The following RXFP2 variants were observed in gnomAD, a reference collection of about 807,000 sequenced individuals.
RXFP2 encodes relaxin family peptide receptor 2.
A neutral mutation model predicts 88.6 loss-of-function variants in RXFP2; 68 were observed. That is an observed-to-expected ratio of 0.77 (90% CI 0.63 to 0.94). The LOEUF is 0.94. RXFP2 is among the 40% of genes least tolerant of loss of function. RXFP2 has a pLI of 0.00. For synonymous variants in RXFP2, 329 were observed against 306.8 expected (o/e 1.07, Z -0.76); for missense variants, 791 against 893.9 (o/e 0.88, Z 1.47).
At chr13:31,793,812 C>G (rs558295929) in intron 16 of RXFP2, among the ~76,000 whole-genome samples, 1 of 152,260 alleles carries the variant, frequency 6.6e-6, no homozygotes, top group East Asian at 1.9e-4. Context: ...ATCCAAGGAG[C>G]CAACAAGCTC....
rs1437581796 is a variant in RXFP2, at chr13:31,794,888, TCA to T, written c.1786+1813_1786+1814del. Among the ~76,000 whole-genome samples the T allele has an allele frequency of 1.5e-4, 22 of 149,494 alleles. No individual in the cohort carries two copies. The South Asian group carries it at 4.5e-3, about 31-fold the overall frequency. ...ATATTCCAGATAGACAAAGAGATCG[TCA>T]CACACACACACAAACACACACTCAC... On this transcript the variant is annotated intron_variant, in intron 16 of 17. Transcript: ENST00000298386.
Position 31,802,586 on chromosome 13 carries a change from GAGGA to G in RXFP2, c.*182_*185del. 1.4e-6 allele frequency: 1 copy of G among 691,480 alleles called. No individual in the cohort carries two copies. The highest frequency in any genetic ancestry group is 2.5e-6 in the Non-Finnish European group (1 of 395,088). The allele number at this position is 691,480 out of a possible 1,614,324, so 42.8% of individuals were successfully genotyped here. A position where few individuals can be genotyped will look rare whatever the true frequency, so the allele number is the denominator to read the frequency against. ...AGCTGTACTATCTACCAACCATGCT[GAGGA>G]CAGCACCAAAGGTTCCTCTCCTCAC... On this transcript the variant is annotated 3_prime_UTR_variant, in exon 18 of 18. Coordinates refer to ENST00000298386, the MANE Select transcript of RXFP2 (RefSeq NM_130806.5).
At chr13:31,796,720 C>G (rs1195162918) in intron 16 of RXFP2, among the ~76,000 whole-genome samples, 1 of 152,200 alleles carries the variant, frequency 6.6e-6, no homozygotes, top group African/African-American at 2.4e-5. Context: ...CCTAACACCA[C>G]TGGGCTTATA....
rs371316685 is a variant in RXFP2, at chr13:31,739,726, G to A, written c.94+20G>A. ...TCAAAGGTAAGGTTGCTACTTTCTC[G>A]TTTTAAATGAGTGCAATTCCCAAAA... On this transcript the variant is annotated intron_variant, in intron 1 of 17. Transcript: ENST00000298386. The A allele has an allele frequency of 1.8e-5, 26 of 1,479,644 alleles. No individual in the cohort carries two copies. The highest frequency in any genetic ancestry group is 6.8e-5 in the South Asian group (6 of 88,332). 91.7% of individuals were successfully genotyped at this position (1,479,644 alleles called of 1,614,324 possible).
In RXFP2 at chr13:31,801,196, T is replaced by C. The variant is rs374291975; in HGVS notation, c.2006-950T>C. ...CAGAGGATGATGAGAGAAAGCATCA[T>C]GGGTCTTACTAGCCACCTCTTCACC... is the stretch of plus-strand genomic sequence containing the variant. On this transcript the variant is annotated intron_variant, in intron 17 of 17. Coordinates refer to ENST00000298386, the MANE Select transcript of RXFP2 (RefSeq NM_130806.5). Among the ~76,000 whole-genome samples the C allele has an allele frequency of 5.9e-5, 9 of 152,288 alleles. No individual in the cohort carries two copies. The East Asian group carries it at 1.2e-3, about 20-fold the overall frequency.
In RXFP2 at chr13:31,800,839, A is replaced by AT. The variant is rs61066558; in HGVS notation, c.2006-1300dup. Among the ~76,000 whole-genome samples the AT allele has an allele frequency of 7.3e-4, 111 of 151,276 alleles. 1 individual carries two copies. The highest frequency in any genetic ancestry group is 2.0e-3 in the African/African-American group (82 of 41,248). ...AATCACTAACTGTTCAGATTGTCTA[A>AT]TTTTTTTAAATTAGGGACAAATAAT... On this transcript the variant is annotated intron_variant, in intron 17 of 17. Coordinates refer to ENST00000298386, the MANE Select transcript of RXFP2 (RefSeq NM_130806.5).
chr13:31,740,714 T>C (rs1871197063), intron 1 of RXFP2, among the ~76,000 whole-genome samples: 1 of 152,054 alleles, frequency 6.6e-6, no homozygotes, highest in Admixed American at 6.6e-5. Context: ...AAAATAATAC[T>C]AAAACTTTAC....
intron 13 of RXFP2, 137 bp from the exon 14 acceptor site, chr13:31,788,985 G>C (rs1050855114): frequency 2.5e-5 from 17 of 685,764 alleles, no homozygotes; most frequent in Non-Finnish European, 4.5e-5. Flanking sequence ...TTCTAAGATA[G>C]TGTACTGTAA....
rs1373294673 is a variant in RXFP2 at position 31,781,729 on chromosome 13, T to G, written c.844T>G (p.Ser282Ala). 6.2e-7 allele frequency: 1 copy of G among 1,610,428 alleles called. No homozygotes were observed. Among genetic ancestry groups the G allele is most frequent in the Non-Finnish European group, 8.5e-7 (1 of 1,176,876 alleles). The change falls in exon 10 of 18, where the codon TCG (serine) becomes GCG (alanine). Residue 282 changes from serine to alanine, a missense_variant. Coordinates refer to ENST00000298386, the MANE Select transcript of RXFP2 (RefSeq NM_130806.5). ...AAATTCTACGTTTCTGTCGTGCGAT[T>G]CGCTCACAGTGCTGTAAGTATACAA... Reference protein sequence around the residue: ...LTNSTFLSCDSLTVLFLPRNQ... With the variant: ...LTNSTFLSCDALTVLFLPRNQ...
At chr13:31,740,056 T>G (rs1333735592) in intron 1 of RXFP2, among the ~76,000 whole-genome samples, 1 of 152,148 alleles carries the variant, frequency 6.6e-6, no homozygotes, top group East Asian at 1.9e-4. Context: ...TTTGTGGAAT[T>G]TCAACCTGTT....
intron 16 of RXFP2, among the ~76,000 whole-genome samples, chr13:31,795,906 A>G (rs1874011791): frequency 1.3e-5 from 2 of 152,132 alleles, no homozygotes; most frequent in Admixed American, 1.3e-4. Context: ...AATAATTCAC[A>G]TAGTTGAATT....
intron 10 of RXFP2, 117 bp downstream of exon 10, chr13:31,781,859 C>G: frequency 2.6e-6 from 2 of 755,340 alleles, no homozygotes; most frequent in East Asian, 5.3e-5. Context: ...TGGTCTGACA[C>G]TGCAGTGCTA....
intron 17 of RXFP2, among the ~76,000 whole-genome samples, chr13:31,797,878 G>A (rs939020060): frequency 6.6e-6 from 1 of 152,126 alleles, no homozygotes; most frequent in Non-Finnish European, 1.5e-5. Context: ...TGCGGAGCAC[G>A]AGATATTTCC....
chr13:31,764,189 C>T (rs1191062691), intron 3 of RXFP2, among the ~76,000 whole-genome samples: 1 of 151,946 alleles, frequency 6.6e-6, no homozygotes, highest in Non-Finnish European at 1.5e-5. Flanking sequence ...AATACTTGCT[C>T]TTTCTCTCAA....
At chr13:31,787,056 T>C (rs1214411519) in intron 13 of RXFP2, among the ~76,000 whole-genome samples, 3 of 152,236 alleles carry the variant, frequency 2.0e-5, no homozygotes, top group Admixed American at 6.5e-5. Flanking sequence ...TTAAATAAGT[T>C]TTTAAAAAAC....
chr13:31,781,534 C>A, intron 9 of RXFP2, 137 bp from the exon 10 acceptor site: 1 of 622,744 alleles, frequency 1.6e-6, no homozygotes, highest in South Asian at 2.0e-5. Flanking sequence ...GTTATACTAA[C>A]CTTGCAATAA....
At chr13:31,786,542 C>A in intron 12 of RXFP2, 24 bp from the exon 13 acceptor site, 1 of 1,525,122 alleles carries the variant, frequency 6.6e-7, no homozygotes, top group Non-Finnish European at 9.0e-7. Flanking sequence ...CTTTTCCTCT[C>A]TCATCTAATG....
rs1381869687 is a variant in RXFP2, at chr13:31,782,755, G to T, written c.929+8G>T. 4 of 1,526,980 alleles carry T rather than the reference G, an allele frequency of 2.6e-6. No individual in the cohort carries two copies. Among genetic ancestry groups the T allele is most frequent in the Admixed American group, 1.7e-5 (1 of 59,840 alleles). The allele number at this position is 1,526,980 out of a possible 1,614,324, so 94.6% of individuals were successfully genotyped here. A position where few individuals can be genotyped will look rare whatever the true frequency, so the allele number is the denominator to read the frequency against. On this transcript the variant is annotated splice_region_variant and intron_variant, in intron 11 of 17. Transcript: ENST00000298386. ...AAAAAATTTAGGAGAACTGTAAGTA[G>T]CATCGTCTACTAGGAAAATATGATT... is the stretch of plus-strand genomic sequence containing the variant.
intron 1 of RXFP2, among the ~76,000 whole-genome samples, chr13:31,747,482 T>G (rs2138385514): frequency 6.6e-6 from 1 of 152,348 alleles, no homozygotes; most frequent in East Asian, 1.9e-4. Context: ...ATGCCCAAGT[T>G]TGGCCTAAGC....
Sources: allele counts gnomAD v4.1 joint callset (sites outside exome capture counted in the v4.1 genomes callset), GRCh38; gene constraint gnomAD v4.1.1; transcripts MANE v1.5; gene names NCBI Gene and HGNC (gene_info 2026-07-23, HGNC 2026-07-21).